Variants in ANKS1B observed in about 807,000 individuals in gnomAD.
The protein encoded by ANKS1B is ankyrin repeat and sterile alpha motif domain containing 1B.
A neutral mutation model predicts 148.3 loss-of-function variants in ANKS1B; 36 were observed. The ratio of observed to expected loss-of-function variants is 0.24; its 90% CI spans 0.19 to 0.32. The LOEUF (loss-of-function observed/expected upper bound fraction) is 0.32. Among genes scored for constraint, ANKS1B ranks in the 10% least tolerant of loss-of-function variants. The pLI, the probability that ANKS1B is intolerant of heterozygous loss-of-function variation, is 1.00. For missense variants in ANKS1B, 1,157 were observed against 1,542.6 expected (o/e 0.75, Z 4.19); for synonymous variants, 542 against 560.8 (o/e 0.97, Z 0.47).
At chr12:98,856,090 C>T (rs971372069) in intron 17 of ANKS1B, among the ~76,000 whole-genome samples, 1 of 152,162 alleles carries the variant, frequency 6.6e-6, no homozygotes, top group Admixed American at 6.5e-5. Context: ...CGGAAGGTTG[C>T]AAATATAAAT....
chr12:99,093,450 T>G (rs2054791500), intron 15 of ANKS1B: 1 of 152,254 alleles, frequency 6.6e-6, no homozygotes, highest in East Asian at 1.9e-4. Context: ...ACTGGGAAAA[T>G]GAAGTTCTCA....
intron 14 of ANKS1B, among the ~76,000 whole-genome samples, chr12:99,238,469 TG>T (rs2153960750): frequency 6.6e-6 from 1 of 152,306 alleles, no homozygotes; most frequent in Non-Finnish European, 1.5e-5. Flanking sequence ...ATTCCACCTC[TG>T]GGGGAAGGGC....
At chr12:99,412,111 TA>T (rs1328650353) in intron 11 of ANKS1B, among the ~76,000 whole-genome samples, 1 of 152,226 alleles carries the variant, frequency 6.6e-6, no homozygotes, top group Non-Finnish European at 1.5e-5. Flanking sequence ...AATAGCCTGT[TA>T]TTAACTTTAT....
intron 12 of ANKS1B, among the ~76,000 whole-genome samples, chr12:99,291,642 A>C (rs781465916): frequency 1.3e-5 from 2 of 152,194 alleles, no homozygotes; most frequent in Non-Finnish European, 2.9e-5. Context: ...CACATTGGGG[A>C]AAGGACAATC....
At chr12:99,748,674 A>G (rs748607427) in intron 8 of ANKS1B, among the ~76,000 whole-genome samples, 10 of 152,092 alleles carry the variant, frequency 6.6e-5, no homozygotes, top group Non-Finnish European at 1.3e-4. Context: ...ACAAGCAAAT[A>G]TATAATACGT....
chr12:99,121,670 T>C (rs1211298338), intron 15 of ANKS1B, among the ~76,000 whole-genome samples: 2 of 152,102 alleles, frequency 1.3e-5, no homozygotes, highest in Admixed American at 6.6e-5. Context: ...GGAAAGTTAA[T>C]AATAACCATA....
intron 10 of ANKS1B, among the ~76,000 whole-genome samples, chr12:99,473,386 C>A (rs908817418): frequency 6.6e-6 from 1 of 151,586 alleles, no homozygotes; most frequent in Non-Finnish European, 1.5e-5. Context: ...CGTAATTTTT[C>A]ATTCTTACAA....
At chr12:99,055,611 G>C (rs748188624) in intron 16 of ANKS1B, among the ~76,000 whole-genome samples, 2 of 151,952 alleles carry the variant, frequency 1.3e-5, no homozygotes, top group Non-Finnish European at 1.5e-5. Context: ...GAAAATCTAG[G>C]TAAGTACAAA....
intron 12 of ANKS1B, among the ~76,000 whole-genome samples, chr12:99,372,868 G>A (rs923210516): frequency 1.3e-5 from 2 of 151,894 alleles, no homozygotes; most frequent in Non-Finnish European, 2.9e-5. Context: ...TGTCTCATCT[G>A]CACTCCCTCA....
At chr12:99,866,036 A>G (rs77361990) in intron 1 of ANKS1B, among the ~76,000 whole-genome samples, 9,512 of 152,288 alleles carry the variant, frequency 0.062, 326 homozygotes, top group Middle Eastern at 0.16. Context: ...GGAAAAGGAT[A>G]AAGTCCCAGA....
At chr12:99,854,928 C>G (rs1427686166) in intron 1 of ANKS1B, among the ~76,000 whole-genome samples, 1 of 151,922 alleles carries the variant, frequency 6.6e-6, no homozygotes, top group Non-Finnish European at 1.5e-5. Context: ...CCTCTAAATA[C>G]ACCAAAATAG....
intron 12 of ANKS1B, among the ~76,000 whole-genome samples, chr12:99,293,255 A>T (rs971812103): frequency 5.9e-5 from 9 of 152,146 alleles, no homozygotes; most frequent in African/African-American, 1.9e-4. Context: ...ACAAGGACAG[A>T]AAACCAAACA....
At chr12:99,803,554 A>G (rs183630485) in intron 4 of ANKS1B, among the ~76,000 whole-genome samples, 79 of 152,240 alleles carry the variant, frequency 5.2e-4, no homozygotes, top group African/African-American at 1.7e-3. Flanking sequence ...ATCTAAGCAT[A>G]TTGTCTGCCT....
At chr12:99,757,165 C>G (rs1416269410) in intron 8 of ANKS1B, among the ~76,000 whole-genome samples, 4 of 151,708 alleles carry the variant, frequency 2.6e-5, no homozygotes, top group Non-Finnish European at 5.9e-5. Context: ...AACAGAAAAC[C>G]TACATATTGG....
chr12:99,249,498 A>C (rs895695019), intron 12 of ANKS1B, among the ~76,000 whole-genome samples: 30 of 152,206 alleles, frequency 2.0e-4, no homozygotes, highest in African/African-American at 6.8e-4. Context: ...TAGTTTTTTG[A>C]ATAGCAGTTC....
chr12:99,261,773 A>G (rs2075947784), intron 12 of ANKS1B, among the ~76,000 whole-genome samples: 1 of 152,084 alleles, frequency 6.6e-6, no homozygotes, highest in African/African-American at 2.4e-5. Flanking sequence ...TAGAAGTCAG[A>G]GTTATCTTAG....
intron 12 of ANKS1B, among the ~76,000 whole-genome samples, chr12:99,327,499 A>C (rs983648049): frequency 7.1e-6 from 1 of 140,414 alleles, no homozygotes; most frequent in Non-Finnish European, 1.5e-5. Context: ...TTATATATAA[A>C]ATCTAGGTTT....
intron 9 of ANKS1B, among the ~76,000 whole-genome samples, chr12:99,603,113 C>T (rs1209737125): frequency 6.6e-6 from 1 of 152,050 alleles, no homozygotes; most frequent in East Asian, 1.9e-4. Flanking sequence ...GTGATCTCAG[C>T]TTACTGCAAC....
chr12:99,203,883 C>T (rs2082346764), intron 14 of ANKS1B, among the ~76,000 whole-genome samples: 1 of 152,154 alleles, frequency 6.6e-6, no homozygotes, highest in Non-Finnish European at 1.5e-5. Flanking sequence ...AATCTGAAGT[C>T]AGGCCTGAGT....
Sources: gnomAD v4.1 joint callset for allele counts (sites outside exome capture counted in the v4.1 genomes callset) on GRCh38, gnomAD v4.1.1 for gene constraint, MANE v1.5 for transcripts, NCBI Gene and HGNC (gene_info 2026-07-23, HGNC 2026-07-21) for gene names.